Variants in IP6K1 observed in about 807,000 individuals in gnomAD.
IP6K1 encodes the protein inositol hexakisphosphate kinase 1, also known as ATP:1D-myo-inositol-hexakisphosphate phosphotransferase.
Under a neutral mutation model 38.3 loss-of-function variants are expected in IP6K1, and 13 were observed. That is an observed-to-expected ratio of 0.34 (90% CI 0.22 to 0.54). The LOEUF is 0.54. Among genes scored for constraint, IP6K1 ranks in the 20% least tolerant of loss-of-function variants. The pLI is 0.92. For synonymous variants in IP6K1, 212 were observed against 229.9 expected, an observed-to-expected ratio of 0.92 and a Z score of 0.70; for missense variants, 397 against 599.8, an observed-to-expected ratio of 0.66 and a Z score of 3.53.
intron 2 of IP6K1, among the ~76,000 whole-genome samples, chr3:49,745,768 T>C (rs929423796): frequency 2.1e-5 from 3 of 140,770 alleles, no homozygotes; most frequent in African/African-American, 7.8e-5. Context: ...GGCAGAAGAA[T>C]CGCTTGAACA....
chr3:49,782,025 C>G (rs748995211), intron 1 of IP6K1, among the ~76,000 whole-genome samples: 1 of 151,428 alleles, frequency 6.6e-6, no homozygotes, highest in Non-Finnish European at 1.5e-5. Context: ...CCCAGGAATT[C>G]GAGGCTGCAG....
intron 1 of IP6K1, among the ~76,000 whole-genome samples, chr3:49,750,635 G>A (rs2080765280): frequency 6.6e-6 from 1 of 152,046 alleles, no homozygotes; most frequent in Non-Finnish European, 1.5e-5. Flanking sequence ...AGAAGGCAGA[G>A]GTTTCAGTGA....
chr3:49,768,661 T>C (rs771061213), intron 1 of IP6K1, among the ~76,000 whole-genome samples: 3 of 152,070 alleles, frequency 2.0e-5, no homozygotes, highest in South Asian at 2.1e-4. Flanking sequence ...TCCCAGCTAC[T>C]TGAGAGGCTG....
intron 1 of IP6K1, among the ~76,000 whole-genome samples, chr3:49,766,982 A>AG (rs2080917924): frequency 2.0e-5 from 3 of 151,130 alleles, no homozygotes; most frequent in Non-Finnish European, 3.0e-5. Context: ...AAAAAAAAAA[A>AG]AAAAAGAAAG....
At chr3:49,729,112 C>T (rs1306620049) in intron 4 of IP6K1, among the ~76,000 whole-genome samples, 2 of 152,096 alleles carry the variant, frequency 1.3e-5, no homozygotes, top group African/African-American at 4.8e-5. Context: ...CTCATTTTCC[C>T]TCCTCCCAGC....
rs369751647 is a variant in IP6K1, at chr3:49,745,891, C to G, written c.223+1927G>C. 2.0e-5 allele frequency among the ~76,000 whole-genome samples: 3 copies of G among 149,222 alleles called. No homozygotes were observed. In the East Asian group the frequency reaches 6.0e-4, roughly 30 times the overall value. Reference sequence around the variant, plus strand: ...AAAAAAAGACAGAAACAACCCAATTCAAAATGGTCAAAGGACTTGAATAGA... The same window carrying G: ...AAAAAAAGACAGAAACAACCCAATTGAAAATGGTCAAAGGACTTGAATAGA... On this transcript the variant is annotated intron_variant, in intron 2 of 5. Transcript: ENST00000321599.
At chr3:49,759,542 T>C (rs1429957914) in intron 1 of IP6K1, among the ~76,000 whole-genome samples, 1 of 152,140 alleles carries the variant, frequency 6.6e-6, no homozygotes, top group Admixed American at 6.6e-5. Context: ...GAAAACAGTG[T>C]AAGGAGATTT....
intron 1 of IP6K1, among the ~76,000 whole-genome samples, chr3:49,784,675 G>A (rs945735532): frequency 9.3e-5 from 14 of 150,982 alleles, no homozygotes; most frequent in African/African-American, 2.4e-4. Context: ...GGCTTGGCGC[G>A]GTGGCTCATG....
intron 1 of IP6K1, among the ~76,000 whole-genome samples, chr3:49,772,359 T>C (rs1303721237): frequency 2.7e-5 from 4 of 148,226 alleles, no homozygotes; most frequent in African/African-American, 9.8e-5. Context: ...ATAAAATATA[T>C]ATATATAGAA....
intron 1 of IP6K1, among the ~76,000 whole-genome samples, chr3:49,759,874 T>C (rs1323552191): frequency 6.6e-6 from 1 of 152,196 alleles, no homozygotes; most frequent in Non-Finnish European, 1.5e-5. Context: ...CCAGCTGTCT[T>C]CCAACCCTCT....
chr3:49,776,067 T>C (rs1165364109), intron 1 of IP6K1, among the ~76,000 whole-genome samples: 1 of 151,638 alleles, frequency 6.6e-6, no homozygotes, highest in African/African-American at 2.4e-5. Context: ...GAACAAGAAA[T>C]GTAGCCATTT....
At chr3:49,780,666 T>G (rs1038416967) in intron 1 of IP6K1, among the ~76,000 whole-genome samples, 1 of 152,220 alleles carries the variant, frequency 6.6e-6, no homozygotes, top group Non-Finnish European at 1.5e-5. Context: ...TCCAGTGCCA[T>G]GCTCACAGAA....
Position 49,732,878 on chromosome 3 carries a change from T to C in IP6K1, c.529A>G (p.Lys177Glu), listed in dbSNP as rs750512186. 3.7e-6 allele frequency: 6 copies of C among 1,614,112 alleles called. No individual in the cohort carries two copies. In the South Asian group the frequency reaches 6.6e-5, roughly 18 times the overall value. ...LDGNSGLSSE[K>E]ISHNPWSLRC... ...AGGCTCCAGGGGTTGTGGCTGATCT[T>C]CTCAGAACTCAAGCCACTGTTGCCA... Residue 177 changes from lysine to glutamate, a missense_variant, in exon 4 of 6, where the codon AAG (lysine) becomes GAG (glutamate). Lys to Glu is a moderately conservative substitution (Grantham distance 56, BLOSUM62 1). Transcript: ENST00000321599.
In IP6K1 at chr3:49,725,848, C is replaced by T. The variant is rs1228815148; in HGVS notation, c.*1274G>A. 1 of 152,326 alleles carries T rather than the reference C, an allele frequency of 6.6e-6. No individual in the cohort carries two copies. Among genetic ancestry groups the T allele is most frequent in the Non-Finnish European group, 1.5e-5 (1 of 68,064 alleles). The allele number at this position is 152,326 out of a possible 1,614,324, so 9.4% of individuals were successfully genotyped here. A position where few individuals can be genotyped will look rare whatever the true frequency, so the allele number is the denominator to read the frequency against. Reference sequence around the variant, plus strand: ...ATGGTGCTGGGTCAACAGGGAAACACCAATTTATTCTGCTATCAGGTCTTT... The same window carrying T: ...ATGGTGCTGGGTCAACAGGGAAACATCAATTTATTCTGCTATCAGGTCTTT... On this transcript the variant is annotated 3_prime_UTR_variant, in exon 6 of 6. Transcript: ENST00000321599.
At chr3:49,761,262 C>A (rs1408234046) in intron 1 of IP6K1, among the ~76,000 whole-genome samples, 2 of 151,502 alleles carry the variant, frequency 1.3e-5, no homozygotes, top group Non-Finnish European at 2.9e-5. Flanking sequence ...GTGCAGTGAG[C>A]GGAGATCGTG....
chr3:49,782,930 CA>C (rs2081078917), intron 1 of IP6K1, among the ~76,000 whole-genome samples: 1 of 125,074 alleles, frequency 8.0e-6, no homozygotes, highest in Non-Finnish European at 1.7e-5. Context: ...GCCAACATGG[CA>C]AAACCCCGGC....
intron 1 of IP6K1, among the ~76,000 whole-genome samples, chr3:49,762,547 C>T (rs1244156391): frequency 1.3e-5 from 2 of 151,210 alleles, no homozygotes; most frequent in African/African-American, 4.9e-5. Context: ...GAGACTCTGT[C>T]TCAAAATAAT....
intron 1 of IP6K1, among the ~76,000 whole-genome samples, chr3:49,777,553 ACT>A (rs2081027980): frequency 6.7e-6 from 1 of 150,298 alleles, no homozygotes; most frequent in Non-Finnish European, 1.5e-5. Context: ...ACAGAGCGAG[ACT>A]CTATCTCAAA....
chr3:49,777,970 G>C (rs1234743210), intron 1 of IP6K1, among the ~76,000 whole-genome samples: 4 of 151,958 alleles, frequency 2.6e-5, no homozygotes, highest in Admixed American at 2.0e-4. Flanking sequence ...TCAGAGATCA[G>C]CTGGCCATTT....
Sources: allele counts gnomAD v4.1 joint callset (sites outside exome capture counted in the v4.1 genomes callset), GRCh38; gene constraint gnomAD v4.1.1; transcripts MANE v1.5; gene names NCBI Gene and HGNC (gene_info 2026-07-23, HGNC 2026-07-21).